DCAF6: variants seen among roughly 807,000 people sequenced by gnomAD.
DCAF6 encodes the protein DDB1- and CUL4-associated factor 6.
Under a neutral mutation model 125.1 loss-of-function variants are expected in DCAF6, and 54 were observed. The observed-to-expected ratio is 0.43, with a 90% CI of 0.35 to 0.54. The LOEUF (loss-of-function observed/expected upper bound fraction) is 0.54. Ranked by LOEUF, DCAF6 falls within the 20% of genes least tolerant of loss-of-function variation. The pLI, the probability that DCAF6 is intolerant of heterozygous loss-of-function variation, is 0.01. For missense variants in DCAF6, 934 were observed against 1,161.7 expected (o/e 0.80, Z 2.85); for synonymous variants, 371 against 390.4 (o/e 0.95, Z 0.58).
chr1:167,883,705 C>T, the DCAF6 span: 8 of 1,350,578 alleles, frequency 5.9e-6, no homozygotes, highest in Non-Finnish European at 8.5e-6. Flanking sequence ...CACCTCATAC[C>T]CGAAATCATC....
At chr1:167,905,000 A>G in the DCAF6 span, 1 of 1,614,224 alleles carries the variant, frequency 6.2e-7, no homozygotes, top group Non-Finnish European at 8.5e-7. Flanking sequence ...TGCCTGAAAT[A>G]TCAACAAACA....
intron 1 of DCAF6, among the ~76,000 whole-genome samples, chr1:167,943,115 T>G (rs941463449): frequency 3.9e-5 from 6 of 152,194 alleles, no homozygotes; most frequent in African/African-American, 1.4e-4. Context: ...TTCACCGCGT[T>G]AGCCAGGATG....
intron 10 of DCAF6, among the ~76,000 whole-genome samples, chr1:168,013,620 A>G (rs897306607): frequency 1.3e-5 from 2 of 152,084 alleles, no homozygotes; most frequent in Non-Finnish European, 2.9e-5. Flanking sequence ...TTACTCAGGG[A>G]CATCATTCCT....
At chr1:167,900,358 T>C in the DCAF6 span, among the ~76,000 whole-genome samples, 1 of 152,008 alleles carries the variant, frequency 6.6e-6, no homozygotes, top group Non-Finnish European at 1.5e-5. Context: ...TTGGACTTAC[T>C]CTAAAAAAAG....
chr1:167,899,310 C>T, the DCAF6 span: 11 of 1,069,664 alleles, frequency 1.0e-5, no homozygotes, highest in Non-Finnish European at 1.4e-5. Context: ...CTGACCCCAT[C>T]CCAATCTCCA....
chr1:168,026,028 AACT>A (rs966902399), intron 12 of DCAF6, among the ~76,000 whole-genome samples: 64 of 152,144 alleles, frequency 4.2e-4, no homozygotes, highest in Non-Finnish European at 7.8e-4. Context: ...CCTCTACCAA[AACT>A]ACTTTTTTGT....
chr1:167,957,861 TG>T (rs1675009501), intron 2 of DCAF6, among the ~76,000 whole-genome samples: 1 of 152,166 alleles, frequency 6.6e-6, no homozygotes, highest in African/African-American at 2.4e-5. Flanking sequence ...GTTGTGATTT[TG>T]GTTTTTATTT....
chr1:167,910,417 T>G, the DCAF6 span, among the ~76,000 whole-genome samples: 20,467 of 152,124 alleles, frequency 0.13, 1,806 homozygotes, highest in African/African-American at 0.25. Flanking sequence ...TGGTTAAAAT[T>G]GTAGTTGTCT....
chr1:167,955,577 G>T, intron 2 of DCAF6, among the ~76,000 whole-genome samples: 1 of 151,164 alleles, frequency 6.6e-6, no homozygotes, highest in African/African-American at 2.4e-5. Flanking sequence ...CATTCAAGTA[G>T]CTTTTTTTTT....
intron 21 of DCAF6, among the ~76,000 whole-genome samples, chr1:168,071,921 A>G (rs1693089495): frequency 1.3e-5 from 2 of 151,988 alleles, no homozygotes; most frequent in Non-Finnish European, 2.9e-5. Context: ...CACATTTAGG[A>G]CCTTTTCACT....
At chr1:167,983,708 T>A (rs1026912622) in intron 4 of DCAF6, among the ~76,000 whole-genome samples, 1 of 152,242 alleles carries the variant, frequency 6.6e-6, no homozygotes, top group Non-Finnish European at 1.5e-5. Context: ...TTTCAAATTC[T>A]ACTATTAATG....
intron 1 of DCAF6, 102 bp from the exon 2 acceptor site, chr1:167,951,698 A>T: frequency 1.4e-6 from 1 of 725,370 alleles, no homozygotes. Context: ...AAATTAGAGC[A>T]TGAATTTACT....
the DCAF6 span, among the ~76,000 whole-genome samples, chr1:167,925,442 C>CGTATATATATATATATATATATATAT: frequency 1.2e-5 from 1 of 82,478 alleles, no homozygotes; most frequent in Non-Finnish European, 2.3e-5. Flanking sequence ...TACATATACA[C>CGTATATATATATATATATATATATAT]ATATATATAT....
chr1:167,945,572 A>G (rs1322801481), intron 1 of DCAF6, among the ~76,000 whole-genome samples: 1 of 151,310 alleles, frequency 6.6e-6, no homozygotes, highest in African/African-American at 2.4e-5. Context: ...GCTTACTACA[A>G]CCTCCGGCTC....
At chr1:167,936,553 G>A (rs1307417062), upstream of DCAF6, 3 of 281,822 alleles carry the variant, frequency 1.1e-5, no homozygotes, top group East Asian at 2.2e-4. Flanking sequence ...CCCCAGGGTG[G>A]TCGTCATCTC....
chr1:167,916,874 A>G, the DCAF6 span: 1 of 152,250 alleles, frequency 6.6e-6, no homozygotes, highest in Non-Finnish European at 1.5e-5. Context: ...AATGAAAGCA[A>G]TAATAGTTTG....
At chr1:167,971,187 A>G (rs1378137948) in intron 3 of DCAF6, among the ~76,000 whole-genome samples, 1 of 151,886 alleles carries the variant, frequency 6.6e-6, no homozygotes, top group Non-Finnish European at 1.5e-5. Flanking sequence ...CATTCTTCAA[A>G]TCTCAGCTCT....
At chr1:168,009,413 C>CTCT (rs1683917786) in intron 10 of DCAF6, among the ~76,000 whole-genome samples, 1 of 114,346 alleles carries the variant, frequency 8.7e-6, no homozygotes, top group Non-Finnish European at 1.8e-5. Context: ...CTCTCTCTCT[C>CTCT]TTTTGTTTCT....
chr1:167,998,496 C>T (rs1031155291), intron 7 of DCAF6, among the ~76,000 whole-genome samples: 12 of 152,064 alleles, frequency 7.9e-5, no homozygotes, highest in African/African-American at 2.7e-4. Flanking sequence ...TAGCTTGTAA[C>T]GGTGTTTGAT....
Sources: gnomAD v4.1 joint callset for allele counts (sites outside exome capture counted in the v4.1 genomes callset) on GRCh38, gnomAD v4.1.1 for gene constraint, MANE v1.5 for transcripts, NCBI Gene and HGNC (gene_info 2026-07-23, HGNC 2026-07-21) for gene names.